The following KCNJ6 variants were observed in gnomAD, a reference collection of about 807,000 sequenced individuals.
The protein encoded by KCNJ6 is G protein-activated inward rectifier potassium channel 2.
In KCNJ6, 9 loss-of-function variants were observed where a neutral mutation model predicts 34.2. The observed-to-expected ratio is 0.26, with a 90% CI of 0.16 to 0.46. The LOEUF is 0.46. KCNJ6 is among the 20% of genes least tolerant of loss of function. The pLI, the probability that KCNJ6 is intolerant of heterozygous loss-of-function variation, is 1.00. For missense variants in KCNJ6, 236 were observed against 531.3 expected, an observed-to-expected ratio of 0.44 and a Z score of 5.46; for synonymous variants, 196 against 207.1, an observed-to-expected ratio of 0.95 and a Z score of 0.46.
rs143028002 is a variant in KCNJ6, at chr21:37,659,363, C to T, written c.947-33879G>A. Among the ~76,000 whole-genome samples, 535 of 152,300 alleles carry T rather than the reference C, an allele frequency of 3.5e-3. 8 individuals are homozygous for T. In the South Asian group the frequency reaches 0.036, roughly 10 times the overall value. ...TGAGCCCCATGTCTCAGAACATCCT[C>T]GCGGACAGCAAAGCCCTTGATGTGG... On this transcript the variant is annotated intron_variant, in intron 3 of 3. Transcript: ENST00000609713.
Position 37,624,344 on chromosome 21 carries a change from C to T in KCNJ6, c.*815G>A, listed in dbSNP as rs564915513. 2.0e-5 allele frequency: 3 copies of T among 152,298 alleles called. No individual in the cohort carries two copies. Among genetic ancestry groups the T allele is most frequent in the South Asian group, 2.1e-4 (1 of 4,822 alleles). 9.4% of individuals were successfully genotyped at this position (152,298 alleles called of 1,614,324 possible). A position where few individuals can be genotyped will look rare whatever the true frequency, so the allele number is the denominator to read the frequency against. ...GTGTGGGAACAGTGAGGTACCCTAA[C>T]GTCTGCCAGTCTGAGACACAAACAA... On this transcript the variant is annotated 3_prime_UTR_variant, in exon 4 of 4. Coordinates refer to ENST00000609713, the MANE Select transcript of KCNJ6 (RefSeq NM_002240.5).
intron 1 of KCNJ6, among the ~76,000 whole-genome samples, chr21:37,847,641 G>A (rs913892279): frequency 6.6e-6 from 1 of 152,200 alleles, no homozygotes; most frequent in South Asian, 2.1e-4. Context: ...GGCAAGATGT[G>A]TAGAGAAATA....
At chr21:37,661,250 T>TAATGACTAGTAACA (rs1457676445) in intron 3 of KCNJ6, among the ~76,000 whole-genome samples, 2 of 152,202 alleles carry the variant, frequency 1.3e-5, no homozygotes, top group Non-Finnish European at 2.9e-5. Flanking sequence ...TGACTGTCTA[T>TAATGACTAGTAACA]AATGACTAGT....
At chr21:37,627,283 A>C (rs759838259) in intron 3 of KCNJ6, among the ~76,000 whole-genome samples, 19 of 152,142 alleles carry the variant, frequency 1.2e-4, no homozygotes, top group Non-Finnish European at 2.4e-4. Flanking sequence ...ACCCTTTTTC[A>C]ATGTTTCCCT....
intron 2 of KCNJ6, among the ~76,000 whole-genome samples, chr21:37,774,488 A>G (rs192018537): frequency 6.6e-6 from 1 of 151,588 alleles, no homozygotes; most frequent in South Asian, 2.1e-4. Context: ...TCCTAATGCT[A>G]TCCCTCCCCC....
rs75317900 is a variant in KCNJ6 at position 37,696,059 on chromosome 21, A to G, written c.946+18152T>C. On this transcript the variant is annotated intron_variant, in intron 3 of 3. Coordinates refer to ENST00000609713, the MANE Select transcript of KCNJ6 (RefSeq NM_002240.5). ...TCCATACTGATATAGATAGATCAATAGATAACTAAGGGAGGGGAAAAGCTC... is the reference window on the plus strand; with the variant it reads ...TCCATACTGATATAGATAGATCAATGGATAACTAAGGGAGGGGAAAAGCTC... Among the ~76,000 whole-genome samples, 10 of 152,384 alleles carry G rather than the reference A, an allele frequency of 6.6e-5. No homozygotes were observed. In the East Asian group the frequency reaches 1.7e-3, roughly 26 times the overall value.
chr21:37,860,716 T>C (rs4817899), intron 1 of KCNJ6, among the ~76,000 whole-genome samples: 71,433 of 151,850 alleles, frequency 0.47, 17,531 homozygotes, highest in East Asian at 0.61. Context: ...ACTACCCCCC[T>C]GGAGTGGCTC....
At chr21:37,713,293 T>TATCAGG (rs140246916) in intron 3 of KCNJ6, among the ~76,000 whole-genome samples, 1,835 of 152,174 alleles carry the variant, frequency 0.012, 48 homozygotes, top group African/African-American at 0.042. Context: ...GGGCTGATGG[T>TATCAGG]ATCAGGAAAA....
At chr21:37,829,659 T>C (rs4817896) in intron 2 of KCNJ6, among the ~76,000 whole-genome samples, 118,915 of 152,174 alleles carry the variant, frequency 0.78, 47,124 homozygotes, top group East Asian at 0.97. Flanking sequence ...TGACTCATGT[T>C]GTGAACAGCT....
chr21:37,815,196 A>G (rs1221631728), intron 2 of KCNJ6, among the ~76,000 whole-genome samples: 8 of 152,122 alleles, frequency 5.3e-5, no homozygotes, highest in Admixed American at 5.2e-4. Flanking sequence ...AAGAACTAGT[A>G]TTTTATAGCA....
At chr21:37,855,065 C>T (rs2055557855) in intron 1 of KCNJ6, among the ~76,000 whole-genome samples, 1 of 152,172 alleles carries the variant, frequency 6.6e-6, no homozygotes, top group African/African-American at 2.4e-5. Flanking sequence ...ACGTTCTTTC[C>T]AAATGCCCAC....
intron 1 of KCNJ6, among the ~76,000 whole-genome samples, chr21:37,902,690 A>G (rs1376205895): frequency 6.6e-6 from 1 of 152,234 alleles, no homozygotes; most frequent in Non-Finnish European, 1.5e-5. Flanking sequence ...AGAAGTGTGC[A>G]GGAAGGCACC....
At chr21:37,628,797 A>G (rs1359630002) in intron 3 of KCNJ6, among the ~76,000 whole-genome samples, 1 of 152,206 alleles carries the variant, frequency 6.6e-6, no homozygotes, top group African/African-American at 2.4e-5. Flanking sequence ...GCAAAAGATA[A>G]ACAACTCATT....
At chr21:37,887,013 C>T (rs1176662657) in intron 1 of KCNJ6, among the ~76,000 whole-genome samples, 1 of 151,752 alleles carries the variant, frequency 6.6e-6, no homozygotes, top group Non-Finnish European at 1.5e-5. Context: ...CATCCACCCC[C>T]ACTCCCAGGA....
chr21:37,658,498 G>A (rs987398107), intron 3 of KCNJ6, among the ~76,000 whole-genome samples: 4 of 152,258 alleles, frequency 2.6e-5, no homozygotes, highest in African/African-American at 9.6e-5. Context: ...GCAACTTTGT[G>A]ATAGATTTAG....
At chr21:37,664,986 C>T (rs538744412) in intron 3 of KCNJ6, among the ~76,000 whole-genome samples, 3 of 151,960 alleles carry the variant, frequency 2.0e-5, no homozygotes, top group Admixed American at 1.3e-4. Context: ...TTAGTAGAGA[C>T]GGGGTTTCAC....
intron 3 of KCNJ6, among the ~76,000 whole-genome samples, chr21:37,697,992 G>C (rs2835897): frequency 0.088 from 13,372 of 152,166 alleles, 1,164 homozygotes; most frequent in African/African-American, 0.22. Context: ...TAAGTAGTGG[G>C]AGTACTTTTC....
intron 1 of KCNJ6, among the ~76,000 whole-genome samples, chr21:37,884,561 C>T (rs1242306688): frequency 1.3e-5 from 2 of 152,160 alleles, no homozygotes; most frequent in Non-Finnish European, 2.9e-5. Flanking sequence ...CCTTCTGCTA[C>T]CCCAAGTTAC....
chr21:37,620,518 T>G lies in KCNJ6; in HGVS notation c.*4641A>C, dbSNP rs1429829894. ...AAAATTGCTCTTAGCTCACAAGTGG[T>G]ACAATAACAGGCAGCAGGCCAGATT... On this transcript the variant is annotated 3_prime_UTR_variant, in exon 4 of 4. Coordinates refer to ENST00000609713, the MANE Select transcript of KCNJ6 (RefSeq NM_002240.5). 1.3e-5 allele frequency: 2 copies of G among 152,080 alleles called. No homozygotes were observed. The highest frequency in any genetic ancestry group is 2.4e-5 in the African/African-American group (1 of 41,404). 9.4% of individuals were successfully genotyped at this position (152,080 alleles called of 1,614,324 possible). A position where few individuals can be genotyped will look rare whatever the true frequency, so the allele number is the denominator to read the frequency against.
Sources: allele counts gnomAD v4.1 joint callset (sites outside exome capture counted in the v4.1 genomes callset), GRCh38; gene constraint gnomAD v4.1.1; transcripts MANE v1.5; gene names NCBI Gene and HGNC (gene_info 2026-07-23, HGNC 2026-07-21).